IQCE: variants seen among roughly 807,000 people sequenced by gnomAD.
IQCE encodes the protein IQ domain-containing protein E.
A neutral mutation model predicts 96.0 loss-of-function variants in IQCE; 115 were observed. That is an observed-to-expected ratio of 1.20 (90% CI 1.03 to 1.40). The LOEUF is 1.40. Ranked by LOEUF, IQCE falls within the 40% of genes most tolerant of loss-of-function variation. IQCE has a pLI of 0.00. For synonymous variants in IQCE, 412 were observed against 371.2 expected, an observed-to-expected ratio of 1.11 and a Z score of -1.26; for missense variants, 1,041 against 909.1, an observed-to-expected ratio of 1.15 and a Z score of -1.87.
intron 8 of IQCE, among the ~76,000 whole-genome samples, chr7:2,581,454 C>T (rs902865817): frequency 2.0e-5 from 3 of 152,130 alleles, no homozygotes; most frequent in African/African-American, 7.2e-5. Flanking sequence ...AATCTGGCTG[C>T]CTTGGCTTCC....
chr7:2,578,608 A>AGC, intron 8 of IQCE, 82 bp downstream of exon 8: 2 of 1,463,830 alleles, frequency 1.4e-6, no homozygotes, highest in South Asian at 1.1e-5. Flanking sequence ...CTTTCCCTGC[A>AGC]GCACCCACGC....
rs1351193308 is a variant in IQCE at position 2,573,539 on chromosome 7, T to C, written c.465+51T>C. The C allele has an allele frequency of 3.0e-6, 3 of 998,288 alleles. No homozygotes were observed. The South Asian group carries it at 4.0e-5, about 13-fold the overall frequency. The allele number at this position is 998,288 out of a possible 1,614,324, so 61.8% of individuals were successfully genotyped here. The stretch of plus-strand genomic sequence containing the variant: ...GATTTGAAACGGTGAAAGCTTCCTA[T>C]AACAATGTATTAGAACATCAGTGCC... On this transcript the variant is annotated intron_variant, in intron 6 of 21. Coordinates refer to ENST00000402050, the MANE Select transcript of IQCE (RefSeq NM_152558.5).
intron 19 of IQCE, among the ~76,000 whole-genome samples, chr7:2,605,640 A>ATAAG (rs756114327): frequency 1.5e-5 from 2 of 137,578 alleles, no homozygotes; most frequent in African/African-American, 3.4e-5. Flanking sequence ...AAATAAGTAA[A>ATAAG]TAAATAAATA....
At chr7:2,584,386 C>T in intron 11 of IQCE, 101 bp downstream of exon 11, 2 of 1,102,552 alleles carry the variant, frequency 1.8e-6, no homozygotes, top group South Asian at 1.2e-5. Flanking sequence ...CATATACTGC[C>T]CTTAGCTTGG....
At chr7:2,560,955 CA>C (rs746886884) in intron 1 of IQCE, among the ~76,000 whole-genome samples, 3,120 of 58,780 alleles carry the variant, frequency 0.053, 25 homozygotes, top group African/African-American at 0.071. Context: ...GACTCTGTCT[CA>C]AAAAAAAAAA....
chr7:2,585,574 C>G (rs974820006), intron 11 of IQCE, among the ~76,000 whole-genome samples: 1 of 152,236 alleles, frequency 6.6e-6, no homozygotes, highest in Non-Finnish European at 1.5e-5. Context: ...GGCAGCGTCA[C>G]GAGCAAACAG....
chr7:2,593,179 C>G, intron 15 of IQCE, 53 bp downstream of exon 15: 1 of 1,549,176 alleles, frequency 6.5e-7, no homozygotes, highest in South Asian at 1.2e-5. Context: ...CGCACTCCTG[C>G]TACCACTGCG....
intron 8 of IQCE, among the ~76,000 whole-genome samples, chr7:2,580,938 C>T (rs117463008): frequency 5.0e-4 from 76 of 151,786 alleles, no homozygotes; most frequent in East Asian, 3.1e-3. Flanking sequence ...TTTTTTGAGA[C>T]GGAGTCTGCT....
intron 1 of IQCE, among the ~76,000 whole-genome samples, chr7:2,564,421 TA>T (rs953114663): frequency 6.6e-6 from 1 of 151,584 alleles, no homozygotes; most frequent in African/African-American, 2.4e-5. Context: ...ATAGTGAATA[TA>T]ACCCCATTTC....
At chr7:2,560,326 C>CTA (rs1333700377) in intron 1 of IQCE, among the ~76,000 whole-genome samples, 1 of 152,256 alleles carries the variant, frequency 6.6e-6, no homozygotes, top group Non-Finnish European at 1.5e-5. Context: ...ATGGGGAGTC[C>CTA]TGCTGGCCAT....
chr7:2,594,475 A>G (rs889387496), intron 15 of IQCE, among the ~76,000 whole-genome samples: 1 of 152,208 alleles, frequency 6.6e-6, no homozygotes, highest in Admixed American at 6.5e-5. Flanking sequence ...CTGCTTATTT[A>G]TCTCAAATGC....
chr7:2,595,692 C>T (rs1222645954), intron 16 of IQCE, among the ~76,000 whole-genome samples: 1 of 151,354 alleles, frequency 6.6e-6, no homozygotes, highest in African/African-American at 2.4e-5. Context: ...TGGAGGGTCG[C>T]AGCCATGCTC....
chr7:2,569,662 A>C (rs564910251), intron 3 of IQCE, among the ~76,000 whole-genome samples: 2 of 152,078 alleles, frequency 1.3e-5, no homozygotes, highest in East Asian at 1.9e-4. Context: ...GACCCTGTAA[A>C]TCCTAGGCCG....
chr7:2,585,733 C>T (rs555298814), intron 11 of IQCE, among the ~76,000 whole-genome samples: 2 of 152,236 alleles, frequency 1.3e-5, no homozygotes, highest in African/African-American at 2.4e-5. Context: ...CACCTGTGCA[C>T]GTGCAAGAAT....
At chr7:2,598,695 C>T (rs1238343378) in intron 17 of IQCE, 63 bp downstream of exon 17, 3 of 1,393,850 alleles carry the variant, frequency 2.2e-6, no homozygotes, top group Non-Finnish European at 2.8e-6. Flanking sequence ...AGGCAAGCCA[C>T]TCACTCTCCA....
intron 5 of IQCE, 58 bp from the exon 6 acceptor site, chr7:2,573,360 C>A: frequency 2.4e-6 from 2 of 842,216 alleles, no homozygotes; most frequent in Non-Finnish European, 4.0e-6. Context: ...AAAGTATAGC[C>A]AAGAATTCTT....
intron 12 of IQCE, 32 bp downstream of exon 12, chr7:2,586,403 G>A (rs1398423289): frequency 6.8e-7 from 1 of 1,480,132 alleles, no homozygotes; most frequent in African/African-American, 2.4e-5. Context: ...CAGGAGGGAG[G>A]CCAGGGAATG....
At chr7:2,572,064 C>T (rs1004200313) in intron 4 of IQCE, 128 bp from the exon 5 acceptor site, 1 of 991,258 alleles carries the variant, frequency 1.0e-6, no homozygotes, top group African/African-American at 1.6e-5. Context: ...CATTTACCAG[C>T]ACGACACTGA....
Position 2,567,175 on chromosome 7 carries a change from T to C in IQCE, c.84+12T>C, listed in dbSNP as rs1314409594. 2 of 1,612,376 alleles carry C rather than the reference T, an allele frequency of 1.2e-6. No homozygotes were observed. The highest frequency in any genetic ancestry group is 1.7e-6 in the Non-Finnish European group (2 of 1,178,870). On this transcript the variant is annotated intron_variant, in intron 2 of 21. Transcript: ENST00000402050. ...CTGATGTGGAGACGGTGAGTGCCGC[T>C]GGGTGTCAGCCGTGCGACCTCGGGC...
Sources: allele counts gnomAD v4.1 joint callset (sites outside exome capture counted in the v4.1 genomes callset), GRCh38; gene constraint gnomAD v4.1.1; transcripts MANE v1.5; gene names NCBI Gene and HGNC (gene_info 2026-07-23, HGNC 2026-07-21).